FBXO4: variants seen among roughly 807,000 people sequenced by gnomAD.
FBXO4 encodes F-box only protein 4.
In FBXO4, 36 loss-of-function variants were observed where a neutral mutation model predicts 43.7. The ratio of observed to expected loss-of-function variants is 0.82; its 90% CI spans 0.63 to 1.09. The LOEUF is 1.09. FBXO4 is among the 50% of genes least tolerant of loss of function. FBXO4 has a pLI of 0.00. For synonymous variants in FBXO4, 180 were observed against 165.6 expected (o/e 1.09, Z -0.67); for missense variants, 435 against 474.1 (o/e 0.92, Z 0.77).
the FBXO4 span, among the ~76,000 whole-genome samples, chr5:41,948,962 C>A: frequency 5.3e-5 from 8 of 152,100 alleles, no homozygotes; most frequent in African/African-American, 1.9e-4. Flanking sequence ...ATGACAAAAA[C>A]GACATGATTA....
Position 41,929,935 on chromosome 5 carries a change from C to T in FBXO4, c.646+18C>T. ...GATTGATGGTAATTTTCATGTTAATCTACAGTTAATTCAAACACTTTGAGC... is the reference window on the plus strand; with the variant it reads ...GATTGATGGTAATTTTCATGTTAATTTACAGTTAATTCAAACACTTTGAGC... On this transcript the variant is annotated intron_variant, in intron 3 of 6. Coordinates refer to ENST00000281623, the MANE Select transcript of FBXO4 (RefSeq NM_012176.3). 6.5e-7 allele frequency: 1 copy of T among 1,548,804 alleles called. No individual in the cohort carries two copies. Among genetic ancestry groups the T allele is most frequent in the East Asian group, 2.2e-5 (1 of 44,544 alleles).
chr5:42,028,025 C>T, the FBXO4 span, among the ~76,000 whole-genome samples: 2 of 151,850 alleles, frequency 1.3e-5, no homozygotes, highest in East Asian at 3.9e-4. Flanking sequence ...GTGAAATATT[C>T]TGTAAATACT....
chr5:41,949,200 G>T, the FBXO4 span, among the ~76,000 whole-genome samples: 1 of 152,172 alleles, frequency 6.6e-6, no homozygotes, highest in Non-Finnish European at 1.5e-5. Flanking sequence ...CATAGTAATG[G>T]AAGTTCTGGC....
Position 41,925,329 on chromosome 5 carries a change from G to A in FBXO4, c.20G>A (p.Arg7His), listed in dbSNP as rs2231916. 2.8e-5 allele frequency: 38 copies of A among 1,346,690 alleles called. No homozygotes were observed. The highest frequency in any genetic ancestry group is 3.5e-5 in the Non-Finnish European group (37 of 1,043,764). The allele number at this position is 1,346,690 out of a possible 1,614,324, so 83.4% of individuals were successfully genotyped here. Reference protein sequence around the residue: MAGSEPRSGTNSPPPPF... With the variant: MAGSEPHSGTNSPPPPF... ...CAAGCCATGGCGGGAAGCGAGCCGC[G>A]CAGCGGAACAAACTCGCCGCCGCCG... The change falls in exon 1 of 7, where the codon CGC becomes CAC. Residue 7 changes from arginine to histidine, a missense_variant. Arg to His is a conservative substitution (Grantham distance 29, BLOSUM62 0). Coordinates refer to ENST00000281623, the MANE Select transcript of FBXO4 (RefSeq NM_012176.3).
the FBXO4 span, among the ~76,000 whole-genome samples, chr5:41,997,661 A>G: frequency 1.1e-4 from 17 of 152,226 alleles, no homozygotes; most frequent in East Asian, 2.9e-3. Flanking sequence ...ATAAGCACCT[A>G]CTTTAACTGG....
chr5:41,951,507 T>G, the FBXO4 span: 1 of 256,578 alleles, frequency 3.9e-6, no homozygotes, highest in Admixed American at 5.2e-5. Context: ...GCTGAAGAAG[T>G]CTGTTCGCCC....
the FBXO4 span, among the ~76,000 whole-genome samples, chr5:41,991,529 T>C: frequency 6.6e-6 from 1 of 152,216 alleles, no homozygotes; most frequent in Non-Finnish European, 1.5e-5. Context: ...AACCAAGCCA[T>C]GCTGATTTGT....
the FBXO4 span, among the ~76,000 whole-genome samples, chr5:42,004,674 A>T: frequency 6.6e-6 from 1 of 152,182 alleles, no homozygotes; most frequent in African/African-American, 2.4e-5. Flanking sequence ...ATGAATTAGA[A>T]TTGAGTAGGA....
chr5:41,931,092 A>AT (rs1751674906), intron 3 of FBXO4, among the ~76,000 whole-genome samples: 1 of 152,198 alleles, frequency 6.6e-6, no homozygotes, highest in African/African-American at 2.4e-5. Flanking sequence ...CTGCTGGAGG[A>AT]TTTTAAGTAG....
At chr5:42,039,569 A>T in the FBXO4 span, among the ~76,000 whole-genome samples, 1 of 152,092 alleles carries the variant, frequency 6.6e-6, no homozygotes, top group Non-Finnish European at 1.5e-5. Flanking sequence ...GAAGACTCCT[A>T]TAACCTCTGG....
At chr5:41,933,686 AGTT>A (rs1170421446) in intron 3 of FBXO4, among the ~76,000 whole-genome samples, 2 of 152,134 alleles carry the variant, frequency 1.3e-5, no homozygotes, top group African/African-American at 2.4e-5. Flanking sequence ...AAGATGATAA[AGTT>A]GTTGATGATA....
the FBXO4 span, among the ~76,000 whole-genome samples, chr5:41,948,453 A>C: frequency 2.6e-5 from 4 of 152,244 alleles, no homozygotes; most frequent in East Asian, 7.7e-4. Flanking sequence ...CTACTATCTT[A>C]AACAGTGCAG....
chr5:42,031,666 T>C, the FBXO4 span, among the ~76,000 whole-genome samples: 1 of 152,098 alleles, frequency 6.6e-6, no homozygotes, highest in Non-Finnish European at 1.5e-5. Flanking sequence ...TATCTGTGTT[T>C]CTCCAGGATT....
chr5:41,938,239 T>C (rs1022776047), intron 5 of FBXO4, among the ~76,000 whole-genome samples: 1 of 152,236 alleles, frequency 6.6e-6, no homozygotes, highest in Non-Finnish European at 1.5e-5. Context: ...AGAGAACATT[T>C]AAGTATATTA....
intron 3 of FBXO4, among the ~76,000 whole-genome samples, chr5:41,930,696 C>T (rs1751661031): frequency 6.9e-6 from 1 of 144,478 alleles, no homozygotes. Context: ...GAGATGGAGT[C>T]TCACTCAGTT....
chr5:41,979,115 A>C, the FBXO4 span, among the ~76,000 whole-genome samples: 7 of 152,140 alleles, frequency 4.6e-5, no homozygotes, highest in Non-Finnish European at 7.4e-5. Flanking sequence ...CAGTGCCTGG[A>C]TTTTGCCTCT....
the FBXO4 span, among the ~76,000 whole-genome samples, chr5:42,008,227 C>T: frequency 6.6e-6 from 1 of 152,192 alleles, no homozygotes; most frequent in Non-Finnish European, 1.5e-5. Flanking sequence ...GAAGGGTGTT[C>T]CATTATCTTA....
At chr5:41,982,689 G>C in the FBXO4 span, among the ~76,000 whole-genome samples, 3 of 152,022 alleles carry the variant, frequency 2.0e-5, no homozygotes, top group Admixed American at 6.6e-5. Context: ...AATTGATATA[G>C]TCGAATTTAT....
chr5:42,027,755 T>C, the FBXO4 span, among the ~76,000 whole-genome samples: 91 of 151,970 alleles, frequency 6.0e-4, no homozygotes, highest in East Asian at 0.016. Flanking sequence ...CATTATCATT[T>C]GTTTCAAAGC....
Sources: allele counts gnomAD v4.1 joint callset (sites outside exome capture counted in the v4.1 genomes callset), GRCh38; gene constraint gnomAD v4.1.1; transcripts MANE v1.5; gene names NCBI Gene and HGNC (gene_info 2026-07-23, HGNC 2026-07-21).